The following MACROD2 variants were observed in gnomAD, a reference collection of about 807,000 sequenced individuals.
MACROD2 encodes ADP-ribose glycohydrolase MACROD2.
MACROD2 carries 36 observed loss-of-function variants against 70.4 expected under a neutral mutation model. The ratio of observed to expected loss-of-function variants is 0.51; its 90% confidence interval spans 0.39 to 0.68. The LOEUF (loss-of-function observed/expected upper bound fraction) is 0.68, where lower values mean the gene tolerates loss of function less well. Among genes scored for constraint, MACROD2 ranks in the 30% least tolerant of loss-of-function variants. The pLI is 0.00. For synonymous variants in MACROD2, 172 were observed against 178.8 expected (o/e 0.96, Z 0.30); for missense variants, 496 against 538.4 (o/e 0.92, Z 0.78).
At chr20:14,006,920 TA>T (rs1209199756) in intron 2 of MACROD2, among the ~76,000 whole-genome samples, 1 of 152,226 alleles carries the variant, frequency 6.6e-6, no homozygotes, top group Non-Finnish European at 1.5e-5. Context: ...TAATGCTTTA[TA>T]GATTATTGTA....
intron 4 of MACROD2, among the ~76,000 whole-genome samples, chr20:14,644,522 C>T (rs1266650428): frequency 6.6e-6 from 1 of 152,154 alleles, no homozygotes; most frequent in East Asian, 1.9e-4. Flanking sequence ...TTTTGTCCCA[C>T]TGTCTCACCC....
chr20:14,175,211 A>AT (rs1039371391), intron 3 of MACROD2, among the ~76,000 whole-genome samples: 2 of 151,820 alleles, frequency 1.3e-5, no homozygotes, highest in South Asian at 2.1e-4. Context: ...CCTATCTGTC[A>AT]TTTTTTCCCA....
rs915782905 is a variant in MACROD2, at chr20:15,118,193, TA to T, written c.419-111744del. On this transcript the variant is annotated intron_variant, in intron 5 of 17. Transcript: ENST00000684519. ...ATCTAAAGTGAGCTTTTTTTAATTT[TA>T]AATTTTTTTTTTTTTTTGAGCCAGG... Among the ~76,000 whole-genome samples the T allele has an allele frequency of 4.5e-4, 23 of 51,474 alleles. 1 individual carries two copies. Among genetic ancestry groups the T allele is most frequent in the African/African-American group, 1.1e-3 (9 of 8,330 alleles). 33.8% of individuals were successfully genotyped at this position (51,474 alleles called of 152,430 possible).
intron 5 of MACROD2, among the ~76,000 whole-genome samples, chr20:14,957,958 T>G (rs963411987): frequency 3.9e-5 from 6 of 152,308 alleles, no homozygotes; most frequent in African/African-American, 9.6e-5. Flanking sequence ...TCTGACCATA[T>G]TCTATTAGGT....
At chr20:14,193,723 A>G (rs1022865994) in intron 3 of MACROD2, among the ~76,000 whole-genome samples, 2 of 152,138 alleles carry the variant, frequency 1.3e-5, no homozygotes, top group African/African-American at 4.8e-5. Context: ...AAGAGAAAAA[A>G]ATACCCTGAC....
chr20:14,623,876 G>T (rs1307014738), intron 4 of MACROD2, among the ~76,000 whole-genome samples: 1 of 152,210 alleles, frequency 6.6e-6, no homozygotes, highest in African/African-American at 2.4e-5. Context: ...TCAAGTACAT[G>T]GTTGGCAGCC....
rs144670531 is a variant in MACROD2, at chr20:15,020,704, A to G, written c.419-209236A>G. 3.3e-3 allele frequency among the ~76,000 whole-genome samples: 498 copies of G among 152,184 alleles called. 7 individuals are homozygous for G. The highest frequency in any genetic ancestry group is 0.011 in the African/African-American group (475 of 41,538). On this transcript the variant is annotated intron_variant, in intron 5 of 17. Transcript: ENST00000684519. ...TTGCTCCTAGGCTACAAACTTGTAC[A>G]TGTTACTGTACTGAGTAGTGTAGGC...
chr20:14,196,883 A>G (rs1235954100), intron 3 of MACROD2, among the ~76,000 whole-genome samples: 2 of 152,244 alleles, frequency 1.3e-5, no homozygotes, highest in Non-Finnish European at 2.9e-5. Flanking sequence ...TCCTATCTCC[A>G]AAGTTCATGG....
intron 4 of MACROD2, among the ~76,000 whole-genome samples, chr20:14,597,009 TGAA>T (rs1982186754): frequency 2.0e-5 from 3 of 152,226 alleles, no homozygotes; most frequent in Admixed American, 6.5e-5. Flanking sequence ...AATTTTAAAA[TGAA>T]GTGTCATCTT....
At chr20:14,891,841 A>G (rs887268356) in intron 5 of MACROD2, among the ~76,000 whole-genome samples, 3 of 152,192 alleles carry the variant, frequency 2.0e-5, no homozygotes, top group Admixed American at 6.5e-5. Flanking sequence ...ATATATTTTT[A>G]AAGGGTCCTG....
At chr20:15,684,696 C>T (rs941955289) in intron 8 of MACROD2, among the ~76,000 whole-genome samples, 1 of 152,220 alleles carries the variant, frequency 6.6e-6, no homozygotes, top group Admixed American at 6.5e-5. Flanking sequence ...TGTTAAGTTT[C>T]TTTTCCGTGT....
intron 2 of MACROD2, among the ~76,000 whole-genome samples, chr20:14,064,647 G>A (rs950791593): frequency 2.0e-5 from 3 of 152,114 alleles, no homozygotes; most frequent in East Asian, 1.9e-4. Context: ...TAGTTCAGGC[G>A]AAGATTATTT....
chr20:14,526,464 T>C (rs1391693167), intron 4 of MACROD2, among the ~76,000 whole-genome samples: 1 of 152,236 alleles, frequency 6.6e-6, no homozygotes, highest in African/African-American at 2.4e-5. Context: ...TCATTCACAC[T>C]TTTAATTGTT....
At chr20:14,857,802 C>CT (rs1384672449) in intron 5 of MACROD2, among the ~76,000 whole-genome samples, 4 of 108,794 alleles carry the variant, frequency 3.7e-5, no homozygotes, top group East Asian at 2.2e-4. Flanking sequence ...GGGAACTGTG[C>CT]TTTTTTTGTT....
At chr20:15,928,978 T>G (rs2065532840) in intron 10 of MACROD2, among the ~76,000 whole-genome samples, 1 of 150,018 alleles carries the variant, frequency 6.7e-6, no homozygotes, top group African/African-American at 2.4e-5. Context: ...AAAGCCTTCC[T>G]GAGCTGACAA....
chr20:14,044,536 A>G (rs1436306579), intron 2 of MACROD2, among the ~76,000 whole-genome samples: 2 of 152,008 alleles, frequency 1.3e-5, no homozygotes, highest in Admixed American at 6.5e-5. Context: ...TGTTTTACAG[A>G]GAGCTGATTG....
chr20:14,887,863 TAA>T (rs11474913), intron 5 of MACROD2, among the ~76,000 whole-genome samples: 89 of 142,680 alleles, frequency 6.2e-4, no homozygotes, highest in Middle Eastern at 7.1e-3. Context: ...AGAAAAGCAT[TAA>T]AAAAAAAAAA....
intron 6 of MACROD2, among the ~76,000 whole-genome samples, chr20:15,259,817 A>G (rs2077232577): frequency 6.6e-6 from 1 of 151,848 alleles, no homozygotes; most frequent in Non-Finnish European, 1.5e-5. Flanking sequence ...CAGATATGAA[A>G]TGAAATCTGG....
chr20:15,423,806 A>G (rs968125365), intron 6 of MACROD2, among the ~76,000 whole-genome samples: 1 of 151,220 alleles, frequency 6.6e-6, no homozygotes, highest in African/African-American at 2.4e-5. Context: ...CATTTATACT[A>G]CTCCCCTCGT....
Sources: gnomAD v4.1 joint callset for allele counts (sites outside exome capture counted in the v4.1 genomes callset) on GRCh38, gnomAD v4.1.1 for gene constraint, MANE v1.5 for transcripts, NCBI Gene and HGNC (gene_info 2026-07-23, HGNC 2026-07-21) for gene names.